Variants in ELOC observed in about 807,000 individuals in gnomAD.
ELOC encodes elongin C, also known as elongin-C.
For synonymous variants in ELOC, 40 were observed against 51.3 expected (o/e 0.78, Z 0.94); for missense variants, 38 against 139.0 (o/e 0.27, Z 3.65).
chr8:73,958,943 T>C (rs1814398750), intron 2 of ELOC, among the ~76,000 whole-genome samples: 1 of 152,346 alleles, frequency 6.6e-6, no homozygotes, highest in South Asian at 2.1e-4. Flanking sequence ...TGGTGTAACC[T>C]ACTGCTCCTA....
At chr8:73,971,701 G>A (rs1815416395) in intron 1 of ELOC, among the ~76,000 whole-genome samples, 1 of 152,030 alleles carries the variant, frequency 6.6e-6, no homozygotes, top group Non-Finnish European at 1.5e-5. Context: ...CTCTCCCTGG[G>A]CTAGGGACTG....
chr8:73,955,230 A>G (rs1010926640), intron 3 of ELOC, among the ~76,000 whole-genome samples: 4 of 152,192 alleles, frequency 2.6e-5, no homozygotes, highest in African/African-American at 9.7e-5. Flanking sequence ...GCACTTTGCG[A>G]AGCTGAGGCA....
chr8:73,965,036 CAAAAAA>C (rs61081733), intron 1 of ELOC, among the ~76,000 whole-genome samples: 1 of 81,416 alleles, frequency 1.2e-5, no homozygotes, highest in Non-Finnish European at 2.3e-5. Flanking sequence ...AAAAACAAAC[CAAAAAA>C]AAAAAAAAAA....
chr8:73,968,771 A>T (rs1815163990), intron 1 of ELOC, among the ~76,000 whole-genome samples: 2 of 152,192 alleles, frequency 1.3e-5, no homozygotes, highest in Non-Finnish European at 2.9e-5. Flanking sequence ...TTCTTAACCT[A>T]TTCTGATCAG....
chr8:73,954,006 G>T (rs1171835489), intron 3 of ELOC, among the ~76,000 whole-genome samples: 1 of 152,116 alleles, frequency 6.6e-6, no homozygotes, highest in African/African-American at 2.4e-5. Flanking sequence ...ATATTATTCA[G>T]CCATAAAAAA....
chr8:73,967,454 T>C (rs966519359), intron 1 of ELOC, among the ~76,000 whole-genome samples: 13 of 149,772 alleles, frequency 8.7e-5, no homozygotes, highest in African/African-American at 2.9e-4. Context: ...GTACATTTTA[T>C]ATAATTTTCT....
In ELOC at chr8:73,946,766, T is replaced by C; in HGVS notation, c.203A>G (p.His68Arg). ...NEVNFREIPSHVLSKVCMYFT... is the reference protein window; with the variant it reads ...NEVNFREIPSRVLSKVCMYFT... ...ATACATGCATACTTTCGATAGCACA[T>C]GTGAAGGTATCTCTCTAAAATTGAC... Residue 68 changes from histidine to arginine, a missense_variant, in exon 4 of 4, where the codon CAT becomes CGT. Physicochemically the swap from His to Arg is conservative, Grantham distance 29 (BLOSUM62 0). Transcript: ENST00000520242. 6.2e-7 allele frequency: 1 copy of C among 1,613,942 alleles called. No homozygotes were observed. The highest frequency in any genetic ancestry group is 8.5e-7 in the Non-Finnish European group (1 of 1,179,910).
intron 3 of ELOC, among the ~76,000 whole-genome samples, chr8:73,949,561 C>T (rs1440494071): frequency 6.6e-6 from 1 of 152,220 alleles, no homozygotes; most frequent in African/African-American, 2.4e-5. Context: ...TCCTCATCTT[C>T]CCCATCCCCC....
rs1815066284 is a variant in ELOC at position 73,967,446 on chromosome 8, A to G, written c.-51+4631T>C. 4.0e-5 allele frequency among the ~76,000 whole-genome samples: 6 copies of G among 151,700 alleles called. No homozygotes were observed. In the South Asian group the frequency reaches 1.2e-3, roughly 32 times the overall value. ...ACTTTATTTATGGGCAAAAAAGGGT[A>G]CATTTTATATAATTTTCTTTTCTTT... On this transcript the variant is annotated intron_variant, in intron 1 of 3. Transcript: ENST00000520242.
intron 3 of ELOC, chr8:73,955,621 A>ATT: frequency 7.3e-6 from 2 of 273,862 alleles, no homozygotes; most frequent in South Asian, 4.9e-5. Flanking sequence ...AAAAAAAAAA[A>ATT]ATTAGCCAGG....
At position 73,956,057 on chromosome 8, in the gene ELOC, A is replaced by G. The variant is rs754544462; in HGVS notation, c.5-3T>C. 3 of 1,609,896 alleles carry G rather than the reference A, an allele frequency of 1.9e-6. No individual in the cohort carries two copies. Among genetic ancestry groups the G allele is most frequent in the South Asian group, 2.2e-5 (2 of 90,756 alleles). ...ACCATAGGTTTTCTCCTCTCCATCTAAAGTAAAGTAAGTAGTGAAACAATT... is the reference window on the plus strand; with the variant it reads ...ACCATAGGTTTTCTCCTCTCCATCTGAAGTAAAGTAAGTAGTGAAACAATT... On this transcript the variant is annotated splice_polypyrimidine_tract_variant and splice_region_variant and intron_variant, in intron 2 of 3. Transcript: ENST00000520242.
At position 73,945,847 on chromosome 8, in the gene ELOC, G is replaced by C. The variant is rs1386457444; in HGVS notation, c.*783C>G. The stretch of plus-strand genomic sequence containing the variant: ...CTTTTAAAATACATTTAAACAACTG[G>C]AAGTATAATCACAACAAGGGACTAT... On this transcript the variant is annotated 3_prime_UTR_variant, in exon 4 of 4. Coordinates refer to ENST00000520242, the MANE Select transcript of ELOC (RefSeq NM_005648.4). 6.6e-6 allele frequency: 1 copy of C among 152,144 alleles called. No individual in the cohort carries two copies. The highest frequency in any genetic ancestry group is 1.5e-5 in the Non-Finnish European group (1 of 68,022). 9.4% of individuals were successfully genotyped at this position (152,144 alleles called of 1,614,324 possible). A position where few individuals can be genotyped will look rare whatever the true frequency, so the allele number is the denominator to read the frequency against.
intron 1 of ELOC, among the ~76,000 whole-genome samples, chr8:73,962,021 G>A (rs972825162): frequency 2.0e-5 from 3 of 151,694 alleles, no homozygotes; most frequent in Admixed American, 6.6e-5. Flanking sequence ...TCAGCCTCCC[G>A]AGTAGCTGGG....
At chr8:73,962,723 G>A (rs1381647822) in intron 1 of ELOC, among the ~76,000 whole-genome samples, 2 of 152,176 alleles carry the variant, frequency 1.3e-5, no homozygotes, top group African/African-American at 4.8e-5. Context: ...TCACATCTTA[G>A]GAGCCCTTTG....
At chr8:73,962,526 ATTTTC>A (rs1192106429) in intron 1 of ELOC, among the ~76,000 whole-genome samples, 3 of 151,990 alleles carry the variant, frequency 2.0e-5, no homozygotes, top group Non-Finnish European at 4.4e-5. Context: ...AGCCATTATT[ATTTTC>A]TTTTCATTAT....
intron 3 of ELOC, among the ~76,000 whole-genome samples, chr8:73,949,419 A>G (rs1414902671): frequency 6.6e-6 from 1 of 152,232 alleles, no homozygotes; most frequent in Non-Finnish European, 1.5e-5. Context: ...ATAACATAAA[A>G]TCAACCATTT....
intron 1 of ELOC, among the ~76,000 whole-genome samples, chr8:73,965,135 A>G (rs1018499110): frequency 6.6e-6 from 1 of 152,078 alleles, no homozygotes. Context: ...CGTATCTGAC[A>G]ATGGATTTGC....
chr8:73,970,232 A>T (rs943507679), intron 1 of ELOC, among the ~76,000 whole-genome samples: 3 of 152,224 alleles, frequency 2.0e-5, no homozygotes, highest in Admixed American at 6.5e-5. Flanking sequence ...TGCAGAACAG[A>T]GTGAGACTCT....
At chr8:73,966,939 A>T (rs1356715747) in intron 1 of ELOC, among the ~76,000 whole-genome samples, 1 of 152,200 alleles carries the variant, frequency 6.6e-6, no homozygotes, top group Non-Finnish European at 1.5e-5. Flanking sequence ...GCTTAAAATC[A>T]GTCAACTCCT....
Sources: allele counts gnomAD v4.1 joint callset (sites outside exome capture counted in the v4.1 genomes callset), GRCh38; gene constraint gnomAD v4.1.1; transcripts MANE v1.5; gene names NCBI Gene and HGNC (gene_info 2026-07-23, HGNC 2026-07-21).